Variants in TBX20 observed in about 807,000 individuals in gnomAD.
TBX20 encodes the protein T-box transcription factor 20.
Under a neutral mutation model 42.9 loss-of-function variants are expected in TBX20, and 8 were observed. That is an observed-to-expected ratio of 0.19 (90% confidence interval 0.11 to 0.34). TBX20 has a LOEUF of 0.34. TBX20 is among the 10% of genes least tolerant of loss of function. The probability of loss-of-function intolerance (pLI) is 1.00; values close to 1 mark genes in which losing one functional copy is unlikely to be tolerated. For synonymous variants in TBX20, 198 were observed against 222.8 expected (o/e 0.89, Z 0.99); for missense variants, 411 against 566.0 (o/e 0.73, Z 2.78).
At chr7:35,244,652 T>G (rs985149360) in intron 4 of TBX20, among the ~76,000 whole-genome samples, 1 of 152,200 alleles carries the variant, frequency 6.6e-6, no homozygotes, top group Non-Finnish European at 1.5e-5. Context: ...AAAATGTATA[T>G]TCCCTTAGTT....
chr7:35,220,438 C>A (rs942033189), intron 6 of TBX20, among the ~76,000 whole-genome samples: 1 of 152,226 alleles, frequency 6.6e-6, no homozygotes, highest in African/African-American at 2.4e-5. Flanking sequence ...ACCAGCACTG[C>A]CCCAGCTGGT....
intron 6 of TBX20, among the ~76,000 whole-genome samples, chr7:35,228,291 T>C (rs1391953219): frequency 1.3e-5 from 2 of 152,036 alleles, no homozygotes; most frequent in Admixed American, 6.6e-5. Context: ...AGAAAGCCAA[T>C]AAAAAGTGTG....
At chr7:35,243,997 G>A (rs1456941111) in intron 4 of TBX20, among the ~76,000 whole-genome samples, 1 of 152,040 alleles carries the variant, frequency 6.6e-6, no homozygotes, top group East Asian at 1.9e-4. Flanking sequence ...TGTTGAGAAA[G>A]GTCTTCAAAC....
intron 6 of TBX20, among the ~76,000 whole-genome samples, chr7:35,215,876 C>T (rs531040588): frequency 1.3e-5 from 2 of 152,266 alleles, no homozygotes; most frequent in South Asian, 2.1e-4. Context: ...ACTACTTATT[C>T]AACCTCTAGA....
intron 6 of TBX20, among the ~76,000 whole-genome samples, chr7:35,221,223 GGGA>G (rs779775058): frequency 5.4e-4 from 81 of 151,088 alleles, no homozygotes; most frequent in African/African-American, 1.7e-3. Context: ...TATTCGTTGA[GGGA>G]GGAGAAGTAC....
At chr7:35,232,669 G>A (rs1789889783) in intron 5 of TBX20, among the ~76,000 whole-genome samples, 1 of 152,214 alleles carries the variant, frequency 6.6e-6, no homozygotes, top group African/African-American at 2.4e-5. Context: ...GGGGAAAAAA[G>A]TTACAGGTAT....
intron 7 of TBX20, among the ~76,000 whole-genome samples, chr7:35,203,180 G>C (rs1789336967): frequency 1.3e-5 from 2 of 152,084 alleles, no homozygotes; most frequent in African/African-American, 4.8e-5. Context: ...CAAAACTGTT[G>C]TGAGAACCTA....
In TBX20 at chr7:35,249,159, A is replaced by ACGATCAAG. The variant is rs1790255784; in HGVS notation, c.381-326_381-319dup. Among the ~76,000 whole-genome samples, 1 of 152,208 alleles carries ACGATCAAG rather than the reference A, an allele frequency of 6.6e-6. No homozygotes were observed. The highest frequency in any genetic ancestry group is 2.1e-4 in the South Asian group (1 of 4,834). On this transcript the variant is annotated intron_variant, in intron 2 of 7. Coordinates refer to ENST00000408931, the MANE Select transcript of TBX20 (RefSeq NM_001077653.2). The surrounding 1 kb of genome is among the most constrained non-coding windows in gnomAD (Gnocchi z 4.3). ...ATTAGGGAAAATCCCATGCATTTTA[A>ACGATCAAG]CGATCAAGCACATTAAGTGTCCCAG...
chr7:35,216,605 A>G (rs921714334), intron 6 of TBX20, among the ~76,000 whole-genome samples: 1 of 152,248 alleles, frequency 6.6e-6, no homozygotes, highest in Admixed American at 6.5e-5. Context: ...CATTGAGATT[A>G]TGTGTTCCAG....
intron 6 of TBX20, among the ~76,000 whole-genome samples, chr7:35,215,608 GTAGA>G (rs1440891725): frequency 6.6e-6 from 1 of 152,092 alleles, no homozygotes; most frequent in African/African-American, 2.4e-5. Context: ...ATTTAATAAG[GTAGA>G]TAAAGTGGGT....
intron 7 of TBX20, among the ~76,000 whole-genome samples, chr7:35,203,890 G>T (rs1789349869): frequency 6.6e-6 from 1 of 152,180 alleles, no homozygotes; most frequent in Non-Finnish European, 1.5e-5. Context: ...AGCCCCTCTG[G>T]GCTCTTTTCT....
At chr7:35,216,859 T>C (rs561271859) in intron 6 of TBX20, among the ~76,000 whole-genome samples, 1 of 152,238 alleles carries the variant, frequency 6.6e-6, no homozygotes, top group East Asian at 1.9e-4. Context: ...ATATATAATG[T>C]TGTTTTTGCT....
At chr7:35,250,343 G>T in intron 1 of TBX20, 140 bp from the exon 2 acceptor site, 1 of 1,039,550 alleles carries the variant, frequency 9.6e-7, no homozygotes, top group Non-Finnish European at 1.5e-6. Flanking sequence ...CTGTAGGGAT[G>T]ACCCATCATC....
chr7:35,239,016 A>G (rs1790023147), intron 5 of TBX20, among the ~76,000 whole-genome samples: 1 of 152,044 alleles, frequency 6.6e-6, no homozygotes, highest in Admixed American at 6.6e-5. Context: ...TACACACACA[A>G]CTACATTTGA....
At chr7:35,218,583 A>T (rs954174401) in intron 6 of TBX20, among the ~76,000 whole-genome samples, 3 of 151,908 alleles carry the variant, frequency 2.0e-5, no homozygotes, top group Non-Finnish European at 4.4e-5. Flanking sequence ...TGTTTTTACT[A>T]TTTTTTTAAT....
At chr7:35,208,958 T>C (rs951452152) in intron 6 of TBX20, among the ~76,000 whole-genome samples, 10 of 152,096 alleles carry the variant, frequency 6.6e-5, no homozygotes, top group African/African-American at 2.4e-4. Context: ...CTAAATGCTT[T>C]TTCTGTGTCT....
rs1280028911 is a variant in TBX20, at chr7:35,249,232, C to T, written c.381-391G>A. Among the ~76,000 whole-genome samples, 1 of 152,180 alleles carries T rather than the reference C, an allele frequency of 6.6e-6. No homozygotes were observed. Among genetic ancestry groups the T allele is most frequent in the Non-Finnish European group, 1.5e-5 (1 of 68,032 alleles). On this transcript the variant is annotated intron_variant, in intron 2 of 7. Transcript: ENST00000408931. This position sits in a 1 kb window ranked among gnomAD's most constrained non-coding sequence, Gnocchi z 4.3. ...CCCAGTCACACAACTCACCCGCATCCCAGCCAGAAAACTCTGCTCTTGCAA... is the reference window on the plus strand; with the variant it reads ...CCCAGTCACACAACTCACCCGCATCTCAGCCAGAAAACTCTGCTCTTGCAA...
chr7:35,227,935 C>T (rs1289239566), intron 6 of TBX20, among the ~76,000 whole-genome samples: 1 of 152,082 alleles, frequency 6.6e-6, no homozygotes, highest in East Asian at 1.9e-4. Context: ...GAATTGTACA[C>T]TTTAAAATGG....
At chr7:35,247,857 A>G (rs1790223938) in intron 3 of TBX20, among the ~76,000 whole-genome samples, 1 of 152,242 alleles carries the variant, frequency 6.6e-6, no homozygotes, top group East Asian at 1.9e-4. Flanking sequence ...GTTTTGTATT[A>G]AAGTAGGCAG....
Sources: allele counts gnomAD v4.1 joint callset (sites outside exome capture counted in the v4.1 genomes callset), GRCh38; gene constraint gnomAD v4.1.1; non-coding constraint Gnocchi (gnomAD v3.1); transcripts MANE v1.5; gene names NCBI Gene and HGNC (gene_info 2026-07-23, HGNC 2026-07-21).